The following TCHP variants were observed in gnomAD, a reference collection of about 807,000 sequenced individuals.
TCHP encodes trichoplein keratin filament binding.
TCHP carries 81 observed loss-of-function variants against 88.7 expected under a neutral mutation model. The ratio of observed to expected loss-of-function variants is 0.91; its 90% CI spans 0.76 to 1.10. The LOEUF (loss-of-function observed/expected upper bound fraction) is 1.10. TCHP is among the 50% of genes least tolerant of loss of function. TCHP has a pLI of 0.00. For synonymous variants in TCHP, 232 were observed against 232.5 expected (o/e 1.00, Z 0.02); for missense variants, 641 against 632.1 (o/e 1.01, Z -0.15).
chr12:109,903,213 A>C lies in TCHP; in HGVS notation c.187A>C (p.Ser63Arg). 6.2e-7 allele frequency: 1 copy of C among 1,607,764 alleles called. No homozygotes were observed. The highest frequency in any genetic ancestry group is 8.5e-7 in the Non-Finnish European group (1 of 1,175,544). The change falls in exon 2 of 13, where the codon AGC becomes CGC. Residue 63 changes from serine to arginine, a missense_variant and splice_region_variant. Ser to Arg is a moderately radical substitution (Grantham distance 110). Transcript: ENST00000405876. The surrounding 1 kb of genome is among the most constrained non-coding windows in gnomAD (Gnocchi z 4.6). ...EWSSKTSYQR[S>R]MHAYQREKMK... Reference sequence around the variant, plus strand: ...GAGCTCTAAAACCTCCTACCAGCGGAGGTAATTGTGCGGTAACTGCCGATT... The same window carrying C: ...GAGCTCTAAAACCTCCTACCAGCGGCGGTAATTGTGCGGTAACTGCCGATT...
chr12:109,908,906 G>C lies in TCHP; in HGVS notation c.848G>C (p.Ser283Thr). The change falls in exon 8 of 13, where the codon AGC becomes ACC. Residue 283 changes from serine (S) to threonine (T), a missense_variant. Coordinates refer to ENST00000405876, the MANE Select transcript of TCHP (RefSeq NM_001143852.2). ...FLRHQYNAQL[S>T]RRTQQIQEEL... ...AGACATCAGTATAACGCTCAACTCAGCAGACGCACACAGCAGATCCAAGAG... is the reference window on the plus strand; with the variant it reads ...AGACATCAGTATAACGCTCAACTCACCAGACGCACACAGCAGATCCAAGAG... 2.5e-6 allele frequency: 4 copies of C among 1,614,206 alleles called. No homozygotes were observed. Among genetic ancestry groups the C allele is most frequent in the Non-Finnish European group, 3.4e-6 (4 of 1,180,040 alleles).
chr12:109,907,412 G>T, intron 5 of TCHP, 114 bp from the exon 6 acceptor site: 2 of 1,076,702 alleles, frequency 1.9e-6, no homozygotes, highest in Non-Finnish European at 2.7e-6. Context: ...GTTGTCATTT[G>T]GGATTCAGGC....
At chr12:109,901,799 A>G (rs1464161653) in intron 1 of TCHP, among the ~76,000 whole-genome samples, 1 of 152,226 alleles carries the variant, frequency 6.6e-6, no homozygotes, top group Non-Finnish European at 1.5e-5. Flanking sequence ...AAACCAAAGT[A>G]TAAAGGAAAA....
chr12:109,907,992 G>T lies in TCHP; in HGVS notation c.699+293G>T, dbSNP rs550653086. ...ACCTTCTTAGAATCTGGATTTTCCA[G>T]TGCACTGAGTAGACACAATTTAATC... is the stretch of plus-strand genomic sequence containing the variant. On this transcript the variant is annotated intron_variant, in intron 6 of 12. Transcript: ENST00000405876. Among the ~76,000 whole-genome samples the T allele has an allele frequency of 3.3e-5, 5 of 152,308 alleles. No individual in the cohort carries two copies. The East Asian group carries it at 9.6e-4, about 29-fold the overall frequency.
chr12:109,889,932 G>A, the TCHP span, among the ~76,000 whole-genome samples: 8 of 152,268 alleles, frequency 5.3e-5, no homozygotes, highest in Admixed American at 2.6e-4. Context: ...CTTGGGGCCC[G>A]TCTGCCGCCT....
intron 3 of TCHP, among the ~76,000 whole-genome samples, 194 bp downstream of exon 3, chr12:109,904,341 C>T (rs1870003658): frequency 6.6e-6 from 1 of 152,186 alleles, no homozygotes; most frequent in African/African-American, 2.4e-5. Context: ...TCTTTAGCCC[C>T]TTCAATCATT....
At chr12:109,914,212 G>A (rs573133576) in intron 10 of TCHP, 136 of 396,544 alleles carry the variant, frequency 3.4e-4, no homozygotes, top group Admixed American at 6.7e-4. Context: ...ACACAGTCTG[G>A]ATACATTTTG....
At chr12:109,907,735 A>T in intron 6 of TCHP, 36 bp downstream of exon 6, 1 of 1,559,242 alleles carries the variant, frequency 6.4e-7, no homozygotes, top group Non-Finnish European at 8.7e-7. Flanking sequence ...GACCTCCTCC[A>T]CAGCTGCTCG....
At chr12:109,887,380 C>T in the TCHP span, among the ~76,000 whole-genome samples, 206 of 149,442 alleles carry the variant, frequency 1.4e-3, 1 homozygote, top group African/African-American at 4.7e-3. Flanking sequence ...CGAGATCGCA[C>T]CACTGCACTC....
upstream of TCHP, among the ~76,000 whole-genome samples, chr12:109,898,966 C>G (rs1194755374): frequency 2.0e-5 from 3 of 152,250 alleles, no homozygotes; most frequent in Non-Finnish European, 4.4e-5. Context: ...GTATAAGCAT[C>G]TGCCATCATG....
At chr12:109,907,722 C>T (rs916765761) in intron 6 of TCHP, 23 bp downstream of exon 6, 31 of 1,573,666 alleles carry the variant, frequency 2.0e-5, no homozygotes, top group African/African-American at 2.7e-5. Flanking sequence ...CCCTCTCAGC[C>T]GTGACCTCCT....
At chr12:109,904,614 G>T (rs1870016308) in intron 3 of TCHP, 123 bp from the exon 4 acceptor site, 2 of 751,858 alleles carry the variant, frequency 2.7e-6, no homozygotes, top group Non-Finnish European at 4.5e-6. Context: ...TTTGAACAGT[G>T]GTTGCAGTGA....
chr12:109,895,326 C>T (rs1869532032), upstream of TCHP, among the ~76,000 whole-genome samples: 2 of 151,270 alleles, frequency 1.3e-5, no homozygotes, highest in South Asian at 4.2e-4. Flanking sequence ...CCTCCCACTT[C>T]CACGTCCCAG....
At chr12:109,913,594 C>T (rs980526857) in intron 10 of TCHP, among the ~76,000 whole-genome samples, 1 of 152,174 alleles carries the variant, frequency 6.6e-6, no homozygotes, top group Admixed American at 6.5e-5. Context: ...TAGATGACAG[C>T]CGTGACCTGG....
At chr12:109,908,552 A>C in intron 6 of TCHP, 34 bp from the exon 7 acceptor site, 2 of 1,534,998 alleles carry the variant, frequency 1.3e-6, no homozygotes, top group Non-Finnish European at 1.8e-6. Context: ...ACGATCTCAG[A>C]TCTCAGTCGA....
Position 109,915,628 on chromosome 12 carries a change from C to T in TCHP, c.1464+82C>T, listed in dbSNP as rs987058276. On this transcript the variant is annotated intron_variant, in intron 12 of 12. Transcript: ENST00000405876. ...CTGCTCCCCTGGGCCTGCTCATCGC[C>T]CCGCGCCGGGGTCTGCTCTCCGGCC... 5 of 1,462,972 alleles carry T rather than the reference C, an allele frequency of 3.4e-6. No homozygotes were observed. The African/African-American group carries it at 5.7e-5, about 17-fold the overall frequency. 90.6% of individuals were successfully genotyped at this position (1,462,972 alleles called of 1,614,324 possible).
intron 8 of TCHP, 96 bp downstream of exon 8, chr12:109,909,033 AGACAGTGAGGGGTTGGGGGAAAGGG>A: frequency 1.7e-6 from 2 of 1,197,012 alleles, no homozygotes; most frequent in Non-Finnish European, 2.4e-6. Flanking sequence ...GTAAGAATGA[AGACAGTGAGGGGTTGGGGGAAAGGG>A]GAGATGTTGG....
Position 109,903,452 on chromosome 12 carries a change from A to G in TCHP, c.188+238A>G, listed in dbSNP as rs1406875576. 6.6e-6 allele frequency among the ~76,000 whole-genome samples: 1 copy of G among 152,230 alleles called. No homozygotes were observed. The highest frequency in any genetic ancestry group is 2.4e-5 in the African/African-American group (1 of 41,454). ...AATTTGGAAGCCTGGTTGTAACCCC[A>G]TATCCCCAGAGACAGCCACAGTTAA... On this transcript the variant is annotated intron_variant, in intron 2 of 12. Coordinates refer to ENST00000405876, the MANE Select transcript of TCHP (RefSeq NM_001143852.2). The surrounding 1 kb of genome is among the most constrained non-coding windows in gnomAD (Gnocchi z 4.6).
At chr12:109,906,281 A>G (rs186404141) in intron 4 of TCHP, among the ~76,000 whole-genome samples, 91 of 152,322 alleles carry the variant, frequency 6.0e-4, no homozygotes, top group African/African-American at 1.8e-3. Context: ...TTTCCATTTC[A>G]GCGTCCAGCC....
Sources: allele counts gnomAD v4.1 joint callset (sites outside exome capture counted in the v4.1 genomes callset), GRCh38; gene constraint gnomAD v4.1.1; non-coding constraint Gnocchi (gnomAD v3.1); transcripts MANE v1.5; gene names NCBI Gene and HGNC (gene_info 2026-07-23, HGNC 2026-07-21).